AGAP1: variants seen among roughly 807,000 people sequenced by gnomAD.
The protein encoded by AGAP1 is arf-GAP with GTPase, ANK repeat and PH domain-containing protein 1.
A neutral mutation model predicts 105.3 loss-of-function variants in AGAP1; 29 were observed. That is an observed-to-expected ratio of 0.28 (90% CI 0.21 to 0.38). The LOEUF (loss-of-function observed/expected upper bound fraction) is 0.38. Ranked by LOEUF, AGAP1 falls within the 10% of genes least tolerant of loss-of-function variation. The probability of loss-of-function intolerance (pLI) is 1.00; values close to 1 mark genes in which losing one functional copy is unlikely to be tolerated. For missense variants in AGAP1, 998 were observed against 1,165.1 expected, an observed-to-expected ratio of 0.86 and a Z score of 2.09; for synonymous variants, 509 against 485.9, an observed-to-expected ratio of 1.05 and a Z score of -0.63.
chr2:235,783,376 C>G (rs1437152577), intron 6 of AGAP1: 1 of 471,284 alleles, frequency 2.1e-6, no homozygotes, highest in Admixed American at 2.4e-5. Context: ...CCTTGCTCAT[C>G]CTTGGCCGGA....
At chr2:236,043,144 A>G (rs565012194) in intron 15 of AGAP1, among the ~76,000 whole-genome samples, 21 of 152,342 alleles carry the variant, frequency 1.4e-4, no homozygotes, top group African/African-American at 5.1e-4. Context: ...TGGTTAAAGT[A>G]CCGGGATAGG....
At chr2:235,803,433 A>C (rs1957682998) in intron 8 of AGAP1, among the ~76,000 whole-genome samples, 1 of 152,216 alleles carries the variant, frequency 6.6e-6, no homozygotes, top group African/African-American at 2.4e-5. Flanking sequence ...TATAGGCATA[A>C]ACTGTCAAAA....
In AGAP1 at chr2:235,950,655, C is replaced by T. The variant is rs1432120000; in HGVS notation, c.1484-17807C>T. ...CCAGCCAGGATTCTGCTTCCTGCCG[C>T]ATCCACCCCTGACCCTTCCAGCAGC... On this transcript the variant is annotated intron_variant, in intron 12 of 17. Transcript: ENST00000304032. Among the ~76,000 whole-genome samples the T allele has an allele frequency of 2.6e-5, 4 of 151,852 alleles. No homozygotes were observed. The East Asian group carries it at 5.8e-4, about 22-fold the overall frequency.
chr2:235,531,143 T>C (rs1411260059), intron 1 of AGAP1, among the ~76,000 whole-genome samples: 1 of 152,228 alleles, frequency 6.6e-6, no homozygotes, highest in Non-Finnish European at 1.5e-5. Context: ...GAGTCTTAGT[T>C]TGGGATCACA....
At chr2:235,516,070 G>GCTGCTGCTGCTGCTGCTGGTC in intron 1 of AGAP1, among the ~76,000 whole-genome samples, 1 of 141,854 alleles carries the variant, frequency 7.0e-6, no homozygotes, top group East Asian at 2.0e-4. Flanking sequence ...TGCTGCTGCT[G>GCTGCTGCTGCTGCTGCTGGTC]CTGCTGCTGC....
intron 1 of AGAP1, among the ~76,000 whole-genome samples, chr2:235,560,228 A>G (rs1233085830): frequency 6.6e-6 from 1 of 152,156 alleles, no homozygotes; most frequent in Non-Finnish European, 1.5e-5. Flanking sequence ...TTGTTGTACA[A>G]GTTGGTTTTC....
chr2:235,632,130 G>C (rs1423652897), intron 1 of AGAP1, among the ~76,000 whole-genome samples: 2 of 152,184 alleles, frequency 1.3e-5, no homozygotes, highest in Non-Finnish European at 2.9e-5. Flanking sequence ...GTGGCCAAGT[G>C]ATTCTAATTA....
In AGAP1 at chr2:235,769,711, G is replaced by T. The variant is rs575936607; in HGVS notation, c.673+19223G>T. Among the ~76,000 whole-genome samples the T allele has an allele frequency of 6.6e-6, 1 of 152,026 alleles. No individual in the cohort carries two copies. Among genetic ancestry groups the T allele is most frequent in the Non-Finnish European group, 1.5e-5 (1 of 67,988 alleles). ...CTCGGGGAGGCAGTGAAAAAAAAAC[G>T]AAAGCAGTGACTAAAGGGCATCTCC... On this transcript the variant is annotated intron_variant, in intron 6 of 17. Coordinates refer to ENST00000304032, the MANE Select transcript of AGAP1 (RefSeq NM_001037131.3). The surrounding 1 kb of genome is among the most constrained non-coding windows in gnomAD (Gnocchi z 4.4).
intron 1 of AGAP1, among the ~76,000 whole-genome samples, chr2:235,560,615 C>T (rs944272111): frequency 2.0e-5 from 3 of 152,136 alleles, no homozygotes; most frequent in Non-Finnish European, 4.4e-5. Context: ...AGTTGCAGCA[C>T]TGTTGGCTTT....
In AGAP1 at chr2:236,114,816, C is replaced by T. The variant is rs145812533; in HGVS notation, c.2115-5376C>T. 4.0e-4 allele frequency among the ~76,000 whole-genome samples: 61 copies of T among 152,292 alleles called. 1 individual carries two copies. The highest frequency in any genetic ancestry group is 2.7e-3 in the Admixed American group (41 of 15,304). Reference sequence around the variant, plus strand: ...TTCAGCATGTGAATTTTATGGGATACGACTCAGCCTCTAACATCCAAGAAG... The same window carrying T: ...TTCAGCATGTGAATTTTATGGGATATGACTCAGCCTCTAACATCCAAGAAG... On this transcript the variant is annotated intron_variant, in intron 16 of 17. Coordinates refer to ENST00000304032, the MANE Select transcript of AGAP1 (RefSeq NM_001037131.3). This position sits in a 1 kb window ranked among gnomAD's most constrained non-coding sequence, Gnocchi z 5.0.
chr2:235,767,765 C>G (rs11895678), intron 6 of AGAP1, among the ~76,000 whole-genome samples: 4,302 of 145,866 alleles, frequency 0.029, 214 homozygotes, highest in African/African-American at 0.1. Context: ...ATAGAATCTT[C>G]CAGTTTCTTG....
rs533015047 is a variant in AGAP1, at chr2:236,077,762, A to G, written c.2114+28481A>G. 5.9e-5 allele frequency among the ~76,000 whole-genome samples: 9 copies of G among 152,346 alleles called. No individual in the cohort carries two copies. In the South Asian group the frequency reaches 1.9e-3, roughly 32 times the overall value. ...CTGGGTTGAGCACATTTGTGAATAC[A>G]GCTTATGGGGCTTATGATTAATTCA... On this transcript the variant is annotated intron_variant, in intron 16 of 17. Coordinates refer to ENST00000304032, the MANE Select transcript of AGAP1 (RefSeq NM_001037131.3).
rs2058814656 is a variant in AGAP1, at chr2:236,082,555, G to T, written c.2114+33274G>T. 6.6e-6 allele frequency among the ~76,000 whole-genome samples: 1 copy of T among 152,212 alleles called. No individual in the cohort carries two copies. The highest frequency in any genetic ancestry group is 2.1e-4 in the South Asian group (1 of 4,830). On this transcript the variant is annotated intron_variant, in intron 16 of 17. Coordinates refer to ENST00000304032, the MANE Select transcript of AGAP1 (RefSeq NM_001037131.3). This position sits in a 1 kb window ranked among gnomAD's most constrained non-coding sequence, Gnocchi z 4.2. ...GGGCAAACAGCTCACCTGCAGTGGT[G>T]ATTGGTTTACAAAATTCACCTAGTT...
rs2050366712 is a variant in AGAP1 at position 235,888,344 on chromosome 2, A to G, written c.1155+4895A>G. ...ATGTTCAGGCATAGTAGCTGATGTC[A>G]GAGGATTGCCTGTGTGGGATAGGAG... On this transcript the variant is annotated intron_variant, in intron 10 of 17. Coordinates refer to ENST00000304032, the MANE Select transcript of AGAP1 (RefSeq NM_001037131.3). This position sits in a 1 kb window ranked among gnomAD's most constrained non-coding sequence, Gnocchi z 4.8. 6.6e-6 allele frequency among the ~76,000 whole-genome samples: 1 copy of G among 152,068 alleles called. No individual in the cohort carries two copies. The highest frequency in any genetic ancestry group is 2.4e-5 in the African/African-American group (1 of 41,418).
Position 235,659,313 on chromosome 2 carries a change from T to C in AGAP1, c.164-49866T>C, listed in dbSNP as rs1448120173. On this transcript the variant is annotated intron_variant, in intron 1 of 17. Transcript: ENST00000304032. The surrounding 1 kb of genome is among the most constrained non-coding windows in gnomAD (Gnocchi z 5.0). ...ATAGTACCTACCTCTCTGTGGCACT[T>C]TGGGGGTAGAATGGATGAACTGAAT... Among the ~76,000 whole-genome samples, 1 of 152,088 alleles carries C rather than the reference T, an allele frequency of 6.6e-6. No homozygotes were observed. Among genetic ancestry groups the C allele is most frequent in the Non-Finnish European group, 1.5e-5 (1 of 68,022 alleles).
At chr2:235,763,057 T>TGTGTGTGTGCGCGCGCGC (rs953192018) in intron 6 of AGAP1, among the ~76,000 whole-genome samples, 1 of 107,012 alleles carries the variant, frequency 9.3e-6, no homozygotes, top group South Asian at 2.5e-4. Flanking sequence ...TGTGTATGTG[T>TGTGTGTGTGCGCGCGCGC]GCGCGCGCGC....
intron 6 of AGAP1, among the ~76,000 whole-genome samples, chr2:235,770,223 G>C (rs931913625): frequency 6.6e-6 from 1 of 151,486 alleles, no homozygotes; most frequent in Non-Finnish European, 1.5e-5. Context: ...CGCTCCCCGG[G>C]TTCATGCCAT....
chr2:236,123,795 C>A lies in AGAP1; in HGVS notation c.2371-124C>A. ...CACTGGATGGTCCTGGCACCCCAGC[C>A]AGTTGTGTAGCTGGCCCCGCTGTCC... On this transcript the variant is annotated intron_variant, in intron 17 of 17. Transcript: ENST00000304032. The surrounding 1 kb of genome is among the most constrained non-coding windows in gnomAD (Gnocchi z 4.6). 1 of 1,221,130 alleles carries A rather than the reference C, an allele frequency of 8.2e-7. No individual in the cohort carries two copies. The highest frequency in any genetic ancestry group is 1.2e-6 in the Non-Finnish European group (1 of 863,576). The allele number at this position is 1,221,130 out of a possible 1,614,324, so 75.6% of individuals were successfully genotyped here.
At chr2:235,540,357 T>G (rs1462668248) in intron 1 of AGAP1, among the ~76,000 whole-genome samples, 1 of 152,120 alleles carries the variant, frequency 6.6e-6, no homozygotes, top group Non-Finnish European at 1.5e-5. Flanking sequence ...TTGCCATTGT[T>G]GACCAGGCTG....
Sources: gnomAD v4.1 joint callset for allele counts (sites outside exome capture counted in the v4.1 genomes callset) on GRCh38, gnomAD v4.1.1 for gene constraint, Gnocchi (gnomAD v3.1) non-coding constraint, MANE v1.5 for transcripts, NCBI Gene and HGNC (gene_info 2026-07-23, HGNC 2026-07-21) for gene names.